Variants in MEF2B observed in about 807,000 individuals in gnomAD.
MEF2B encodes myocyte-specific enhancer factor 2B.
Under a neutral mutation model 32.2 loss-of-function variants are expected in MEF2B, and 15 were observed. That is an observed-to-expected ratio of 0.47 (90% CI 0.31 to 0.72). The LOEUF (loss-of-function observed/expected upper bound fraction) is 0.72, where lower values mean the gene tolerates loss of function less well. MEF2B is among the 30% of genes least tolerant of loss of function. MEF2B has a pLI of 0.05. For missense variants in MEF2B, 441 were observed against 511.5 expected (o/e 0.86, Z 1.33); for synonymous variants, 205 against 225.6 (o/e 0.91, Z 0.82).
In MEF2B at chr19:19,150,777, G is replaced by A; in HGVS notation, c.-29-13C>T. 2.5e-6 allele frequency: 4 copies of A among 1,614,100 alleles called. No individual in the cohort carries two copies. The highest frequency in any genetic ancestry group is 2.7e-5 in the African/African-American group (2 of 75,040). On this transcript the variant is annotated splice_polypyrimidine_tract_variant and intron_variant, in intron 1 of 8. Coordinates refer to ENST00000424583, the MANE Select transcript of MEF2B (RefSeq NM_001145785.2). ...GAATGATCTTTGTCTAGGAGGAGAA[G>A]AGGGAGAGGACAGAGTGAGTGGGTG... is the stretch of plus-strand genomic sequence containing the variant.
At chr19:19,152,956 C>A (rs1260898612) in intron 1 of MEF2B, among the ~76,000 whole-genome samples, 1 of 152,224 alleles carries the variant, frequency 6.6e-6, no homozygotes, top group African/African-American at 2.4e-5. Flanking sequence ...GCTTGACTTG[C>A]TAAATTTAAC....
chr19:19,148,470 A>G (rs1459880031), intron 3 of MEF2B, among the ~76,000 whole-genome samples: 1 of 152,150 alleles, frequency 6.6e-6, no homozygotes, highest in Non-Finnish European at 1.5e-5. Flanking sequence ...TTCTCAAAAA[A>G]AGAAAAAAAC....
chr19:19,146,944 G>A, intron 5 of MEF2B, 69 bp from the exon 6 acceptor site: 2 of 1,577,176 alleles, frequency 1.3e-6, no homozygotes, highest in Non-Finnish European at 1.7e-6. Context: ...CTGAGGTTTA[G>A]AGGTGATGCA....
chr19:19,156,846 G>A (rs563517041), intron 1 of MEF2B, among the ~76,000 whole-genome samples: 1 of 152,108 alleles, frequency 6.6e-6, no homozygotes, highest in East Asian at 1.9e-4. Flanking sequence ...TAGAGATGGC[G>A]ATTTGCTGTG....
chr19:19,149,381 G>A lies in MEF2B; in HGVS notation c.103C>T (p.Leu35=). The A allele has an allele frequency of 6.2e-7, 1 of 1,614,052 alleles. No homozygotes were observed. The highest frequency in any genetic ancestry group is 1.7e-5 in the Admixed American group (1 of 59,984). ...ATCTCACAGTCACAGAGCACGCTCA[G>A]CTCATAGGCCTTCTTCATCAGCCCG... ...KFGLMKKAYE[L]SVLCDCEIAL... is the part of the protein sequence containing the mutation. The change falls in exon 3 of 9, where the codon CTG becomes TTG. Residue 35 remains leucine, a synonymous_variant. Transcript: ENST00000424583.
rs775651286 is a variant in MEF2B, at chr19:19,150,686, C to T, written c.50G>A (p.Arg17Gln). 4 of 1,614,214 alleles carry T rather than the reference C, an allele frequency of 2.5e-6. No individual in the cohort carries two copies. Among genetic ancestry groups the T allele is most frequent in the Admixed American group, 1.7e-5 (1 of 60,016 alleles). ...TGTTCCACCCAGTGAACTCACCTGC[C>T]GATTCCTTTGGTCCAGGATGCGGGA... ...QISRILDQRN[R>Q]QVTFTKRKFG... Residue 17 changes from arginine (R) to glutamine (Q), a missense_variant, in exon 2 of 9, where the codon CGG (arginine) becomes CAG (glutamine). Around this residue, in one of 2 missense-constraint regions of MEF2B, gnomAD observed 115 missense variants for 183.1 expected, o/e 0.63. Transcript: ENST00000424583.
chr19:19,155,099 T>C (rs2060111446), intron 1 of MEF2B, among the ~76,000 whole-genome samples: 2 of 152,148 alleles, frequency 1.3e-5, no homozygotes, highest in South Asian at 4.1e-4. Context: ...CCTGAGGGAA[T>C]CTACCCAACC....
At chr19:19,163,110 A>G (rs911249025) in intron 1 of MEF2B, among the ~76,000 whole-genome samples, 1 of 152,142 alleles carries the variant, frequency 6.6e-6, no homozygotes, top group Non-Finnish European at 1.5e-5. Context: ...ATGTCCTCTA[A>G]AGACCTGCAG....
At chr19:19,152,660 C>T (rs1023084219) in intron 1 of MEF2B, among the ~76,000 whole-genome samples, 1 of 152,120 alleles carries the variant, frequency 6.6e-6, no homozygotes, top group Non-Finnish European at 1.5e-5. Flanking sequence ...GCCGAGATCC[C>T]GAGATTTTGA....
intron 1 of MEF2B, among the ~76,000 whole-genome samples, chr19:19,162,674 G>A (rs1308562435): frequency 6.6e-6 from 1 of 152,172 alleles, no homozygotes; most frequent in Non-Finnish European, 1.5e-5. Context: ...GCTCCTGGGA[G>A]GGACAGCTCC....
chr19:19,147,617 CCT>C lies in MEF2B; in HGVS notation c.393+79_393+80del, dbSNP rs902029662. The C allele has an allele frequency of 5.5e-5, 86 of 1,563,048 alleles. No individual in the cohort carries two copies. The African/African-American group carries it at 1.1e-3, about 20-fold the overall frequency. On this transcript the variant is annotated intron_variant, in intron 4 of 8. Coordinates refer to ENST00000424583, the MANE Select transcript of MEF2B (RefSeq NM_001145785.2). The stretch of plus-strand genomic sequence containing the variant: ...ACTCTAGGATCCCTGGCTCTAAGCC[CCT>C]CTCTCAGTACCAGCCTCAACGACTT...
intron 1 of MEF2B, among the ~76,000 whole-genome samples, chr19:19,168,343 C>A (rs529923887): frequency 7.2e-6 from 1 of 138,808 alleles, no homozygotes; most frequent in East Asian, 2.3e-4. Flanking sequence ...ACACGATCTT[C>A]GCTCACCACA....
intron 1 of MEF2B, among the ~76,000 whole-genome samples, chr19:19,154,395 C>G (rs1189910236): frequency 2.0e-5 from 3 of 151,984 alleles, no homozygotes; most frequent in Non-Finnish European, 4.4e-5. Context: ...AACTCCTGAC[C>G]TCATGATCCG....
chr19:19,169,797 G>A (rs1257358951), intron 1 of MEF2B, among the ~76,000 whole-genome samples: 1 of 152,136 alleles, frequency 6.6e-6, no homozygotes, highest in African/African-American at 2.4e-5. Flanking sequence ...ACAGCAAGAA[G>A]GCATAGGGTT....
At position 19,150,744 on chromosome 19, in the gene MEF2B, G is replaced by C. The variant is rs747620542; in HGVS notation, c.-9C>G. ...ATTTTTTTCCTCCCCATCGTCCCAG[G>C]CTGAGTGGAATGATCTTTGTCTAGG... On this transcript the variant is annotated 5_prime_UTR_variant, in exon 2 of 9. Coordinates refer to ENST00000424583, the MANE Select transcript of MEF2B (RefSeq NM_001145785.2). 6.2e-7 allele frequency: 1 copy of C among 1,614,140 alleles called. No homozygotes were observed. The highest frequency in any genetic ancestry group is 1.7e-5 in the Admixed American group (1 of 60,000).
chr19:19,148,782 G>T (rs2146355129), intron 3 of MEF2B, among the ~76,000 whole-genome samples: 1 of 151,484 alleles, frequency 6.6e-6, no homozygotes, highest in African/African-American at 2.4e-5. Context: ...CTCGATCTCG[G>T]CTCACTGCAA....
rs1665884476 is a variant in MEF2B at position 19,148,946 on chromosome 19, A to C, written c.258+280T>G. On this transcript the variant is annotated intron_variant, in intron 3 of 8. Transcript: ENST00000424583. Reference sequence around the variant, plus strand: ...AGGCTGGTCTAGAATCCCTGACCTCAAGTGATCTGCCCACTTCGGCCTCCC... The same window carrying C: ...AGGCTGGTCTAGAATCCCTGACCTCCAGTGATCTGCCCACTTCGGCCTCCC... Among the ~76,000 whole-genome samples, 5 of 151,958 alleles carry C rather than the reference A, an allele frequency of 3.3e-5. No homozygotes were observed. The South Asian group carries it at 1.0e-3, about 32-fold the overall frequency.
intron 1 of MEF2B, among the ~76,000 whole-genome samples, chr19:19,164,698 C>T (rs1667973023): frequency 6.6e-6 from 1 of 152,208 alleles, no homozygotes; most frequent in South Asian, 2.1e-4. Flanking sequence ...CCTGTAATCC[C>T]AGCTACTCAG....
chr19:19,154,356 G>T (rs2060105916), intron 1 of MEF2B, among the ~76,000 whole-genome samples: 1 of 151,968 alleles, frequency 6.6e-6, no homozygotes, highest in Non-Finnish European at 1.5e-5. Flanking sequence ...TAAAGATGGT[G>T]TTTCACCATA....
Sources: allele counts gnomAD v4.1 joint callset (sites outside exome capture counted in the v4.1 genomes callset), GRCh38; gene constraint gnomAD v4.1.1; regional missense constraint gnomAD v4.1.1; transcripts MANE v1.5; gene names NCBI Gene and HGNC (gene_info 2026-07-23, HGNC 2026-07-21).